The following SYTL5 variants were observed in gnomAD, a reference collection of about 807,000 sequenced individuals.
SYTL5 encodes the protein synaptotagmin like 5, also known as synaptotagmin-like protein 5.
Under a neutral mutation model 55.9 loss-of-function variants are expected in SYTL5, and 34 were observed. The observed-to-expected ratio is 0.61, with a 90% CI of 0.46 to 0.81. SYTL5 has a LOEUF of 0.81. SYTL5 is among the 30% of genes least tolerant of loss of function. The pLI, the probability that SYTL5 is intolerant of heterozygous loss-of-function variation, is 0.00. For missense variants in SYTL5, 637 were observed against 546.7 expected, an observed-to-expected ratio of 1.17 and a Z score of -1.65; for synonymous variants, 221 against 188.7, an observed-to-expected ratio of 1.17 and a Z score of -1.40.
the SYTL5 span, among the ~76,000 whole-genome samples, chrX:37,921,622 C>T: frequency 8.9e-6 from 1 of 111,904 alleles, no homozygotes; most frequent in African/African-American, 3.2e-5. Context: ...GCTATTGCCA[C>T]TTACCAGTTA....
At chrX:37,963,972 G>C in the SYTL5 span, among the ~76,000 whole-genome samples, 1 of 111,876 alleles carries the variant, frequency 8.9e-6, no homozygotes, top group Non-Finnish European at 1.9e-5. Context: ...CATCTGTTGA[G>C]ACGATCATGT....
At chrX:38,117,680 A>G (rs766730565) in intron 13 of SYTL5, among the ~76,000 whole-genome samples, 3 of 111,837 alleles carry the variant, frequency 2.7e-5, no homozygotes, top group Non-Finnish European at 5.6e-5. Flanking sequence ...TGAAAGCTCA[A>G]CTGCATTGAT....
intron 3 of SYTL5, among the ~76,000 whole-genome samples, chrX:38,063,834 CA>C (rs1375631421): frequency 9.0e-6 from 1 of 110,992 alleles, no homozygotes; most frequent in Non-Finnish European, 1.9e-5. Context: ...ATAATTTTAC[CA>C]AAAAATGCTG....
the SYTL5 span, among the ~76,000 whole-genome samples, chrX:37,936,439 G>A: frequency 0.12 from 13,558 of 111,628 alleles, 1,313 homozygotes; most frequent in African/African-American, 0.33. Context: ...TTAGCATCCA[G>A]AGGCTGAGGA....
chrX:37,944,316 T>C, the SYTL5 span, among the ~76,000 whole-genome samples: 1 of 111,359 alleles, frequency 9.0e-6, no homozygotes, highest in African/African-American at 3.3e-5. Context: ...GAAAAGAGTC[T>C]GGGGGCATTT....
chrX:37,911,969 T>C, the SYTL5 span, among the ~76,000 whole-genome samples: 116 of 112,246 alleles, frequency 1.0e-3, 1 homozygote, highest in African/African-American at 3.7e-3. Context: ...AAAAAGGTAT[T>C]CAACTTGTAA....
chrX:37,917,172 C>G, the SYTL5 span, among the ~76,000 whole-genome samples: 4 of 111,364 alleles, frequency 3.6e-5, no homozygotes, highest in Non-Finnish European at 7.5e-5. Context: ...CCTTGATCAC[C>G]TGGCTGAAGT....
At chrX:37,972,882 A>G in the SYTL5 span, among the ~76,000 whole-genome samples, 1 of 86,167 alleles carries the variant, frequency 1.2e-5, no homozygotes, top group Non-Finnish European at 2.7e-5. Context: ...ATAGAAAGGA[A>G]TGTTCAGGTT....
chrX:37,935,929 C>G, the SYTL5 span, among the ~76,000 whole-genome samples: 1 of 111,926 alleles, frequency 8.9e-6, no homozygotes, highest in Non-Finnish European at 1.9e-5. Flanking sequence ...GTGAATTAAA[C>G]AGCATAACGG....
At chrX:38,095,650 T>C (rs1431724599) in intron 8 of SYTL5, among the ~76,000 whole-genome samples, 1 of 112,338 alleles carries the variant, frequency 8.9e-6, no homozygotes. Flanking sequence ...CTCATTTTTG[T>C]GTGAAAAGAA....
chrX:38,071,914 A>G, intron 3 of SYTL5, 133 bp from the exon 4 acceptor site: 1 of 456,490 alleles, frequency 2.2e-6, no homozygotes. Context: ...TATTATTATC[A>G]CCATAAAATA....
intron 13 of SYTL5, among the ~76,000 whole-genome samples, chrX:38,112,168 G>C (rs1937374918): frequency 2.7e-5 from 3 of 111,462 alleles, no homozygotes; most frequent in Non-Finnish European, 5.6e-5. Context: ...TAGGAGATTT[G>C]CCACAACAGC....
chrX:37,949,017 C>T, the SYTL5 span, among the ~76,000 whole-genome samples: 1 of 111,338 alleles, frequency 9.0e-6, no homozygotes, highest in African/African-American at 3.3e-5. Flanking sequence ...GGTAGCCATT[C>T]ACATTGGAAT....
At chrX:38,036,995 A>G (rs1415839633) in intron 2 of SYTL5, among the ~76,000 whole-genome samples, 1 of 111,856 alleles carries the variant, frequency 8.9e-6, no homozygotes, top group Non-Finnish European at 1.9e-5. Flanking sequence ...AGACACTATC[A>G]GTGCTCTACT....
upstream of SYTL5, among the ~76,000 whole-genome samples, chrX:38,004,241 G>A (rs1273809044): frequency 4.5e-5 from 5 of 111,563 alleles, no homozygotes; most frequent in African/African-American, 1.6e-4. Flanking sequence ...TGCTTGTGGG[G>A]TATTACTCAA....
intron 10 of SYTL5, among the ~76,000 whole-genome samples, chrX:38,104,283 T>G (rs1009335436): frequency 1.5e-4 from 17 of 111,926 alleles, no homozygotes; most frequent in African/African-American, 5.2e-4. Context: ...CCCTGTGAGT[T>G]TGCTGTGGTG....
chrX:38,037,301 T>G (rs1190694038), intron 2 of SYTL5, among the ~76,000 whole-genome samples: 1 of 111,604 alleles, frequency 9.0e-6, no homozygotes, highest in Non-Finnish European at 1.9e-5. Flanking sequence ...CCCCTCTCCC[T>G]GCCTTCTCCT....
At chrX:37,960,947 C>A in the SYTL5 span, among the ~76,000 whole-genome samples, 4 of 109,463 alleles carry the variant, frequency 3.7e-5, no homozygotes, top group African/African-American at 1.3e-4. Flanking sequence ...AGGCGCCTGC[C>A]ACCACGCCCA....
chrX:38,062,429 AC>A (rs1935978559), intron 3 of SYTL5, among the ~76,000 whole-genome samples: 1 of 112,241 alleles, frequency 8.9e-6, no homozygotes, highest in Admixed American at 9.5e-5. Context: ...GGTAATGATT[AC>A]TGCAATGGAT....
Sources: allele counts gnomAD v4.1 joint callset (sites outside exome capture counted in the v4.1 genomes callset), GRCh38; gene constraint gnomAD v4.1.1; transcripts MANE v1.5; gene names NCBI Gene and HGNC (gene_info 2026-07-23, HGNC 2026-07-21).